Variants in UCHL3 observed in about 807,000 individuals in gnomAD.
The protein encoded by UCHL3 is ubiquitin C-terminal hydrolase L3.
UCHL3 carries 22 observed loss-of-function variants against 35.8 expected under a neutral mutation model. The ratio of observed to expected loss-of-function variants is 0.61; its 90% CI spans 0.44 to 0.88. The LOEUF is 0.88. Ranked by LOEUF, UCHL3 falls within the 40% of genes least tolerant of loss-of-function variation. The pLI is 0.00. For missense variants in UCHL3, 229 were observed against 276.9 expected (o/e 0.83, Z 1.23); for synonymous variants, 90 against 92.8 (o/e 0.97, Z 0.17).
intron 6 of UCHL3, among the ~76,000 whole-genome samples, chr13:75,582,125 A>G (rs2032204242): frequency 1.4e-5 from 2 of 145,208 alleles, no homozygotes; most frequent in Admixed American, 6.8e-5. Context: ...TGTGCTTCTG[A>G]AAAAACCAAA....
chr13:75,588,573 A>C (rs890202871), intron 6 of UCHL3, among the ~76,000 whole-genome samples: 1 of 152,180 alleles, frequency 6.6e-6, no homozygotes, highest in Non-Finnish European at 1.5e-5. Context: ...TGAGCCGCTA[A>C]AATGTTCAAA....
intron 7 of UCHL3, among the ~76,000 whole-genome samples, chr13:75,598,151 G>C (rs1042392981): frequency 2.6e-5 from 4 of 152,114 alleles, no homozygotes; most frequent in African/African-American, 9.7e-5. Flanking sequence ...ATTTTATTTT[G>C]AAGTAACTTA....
intron 6 of UCHL3, among the ~76,000 whole-genome samples, chr13:75,570,307 G>A (rs2138501438): frequency 6.6e-6 from 1 of 152,102 alleles, no homozygotes; most frequent in South Asian, 2.1e-4. Context: ...GCTGATCTTG[G>A]CTTACTGCAA....
intron 6 of UCHL3, chr13:75,590,245 T>G (rs2032446613): frequency 8.4e-7 from 1 of 1,192,116 alleles, no homozygotes; most frequent in Admixed American, 3.6e-5. Context: ...AACCATTAGC[T>G]TTTTCTCCCC....
intron 3 of UCHL3, among the ~76,000 whole-genome samples, chr13:75,564,480 T>C (rs2031621995): frequency 1.3e-5 from 2 of 151,968 alleles, no homozygotes; most frequent in East Asian, 1.9e-4. Flanking sequence ...AAGGTAGAGA[T>C]TCATCTCCTT....
At chr13:75,591,368 G>C (rs1455211883) in intron 6 of UCHL3, among the ~76,000 whole-genome samples, 1 of 152,094 alleles carries the variant, frequency 6.6e-6, no homozygotes, top group East Asian at 1.9e-4. Context: ...TTTGATATTT[G>C]TTGCTTCTCT....
At position 75,605,934 on chromosome 13, in the gene UCHL3, C is replaced by T; in HGVS notation, c.*122C>T. ...ATGATTAAACTTTATGTGAGTTAAA[C>T]TTTGCCTTAACCTGTGTTTTATGTT... is the stretch of plus-strand genomic sequence containing the variant. On this transcript the variant is annotated 3_prime_UTR_variant, in exon 9 of 9. Coordinates refer to ENST00000377595, the MANE Select transcript of UCHL3 (RefSeq NM_006002.5). 1.0e-6 allele frequency: 1 copy of T among 958,436 alleles called. No homozygotes were observed. The highest frequency in any genetic ancestry group is 1.6e-6 in the Non-Finnish European group (1 of 635,646). The allele number at this position is 958,436 out of a possible 1,614,324, so 59.4% of individuals were successfully genotyped here. A position where few individuals can be genotyped will look rare whatever the true frequency, so the allele number is the denominator to read the frequency against.
intron 6 of UCHL3, among the ~76,000 whole-genome samples, chr13:75,586,705 A>T (rs994709456): frequency 1.3e-5 from 2 of 152,004 alleles, no homozygotes; most frequent in African/African-American, 4.8e-5. Context: ...TAAACTACAA[A>T]TCAACAATAG....
chr13:75,587,285 T>TTTTATCTTA, intron 6 of UCHL3, among the ~76,000 whole-genome samples: 1 of 152,026 alleles, frequency 6.6e-6, no homozygotes, highest in Non-Finnish European at 1.5e-5. Flanking sequence ...AGATAAAGAC[T>TTTTATCTTA]GTTAGAAATG....
At chr13:75,561,808 C>G (rs565512108) in intron 3 of UCHL3, among the ~76,000 whole-genome samples, 1 of 31,540 alleles carries the variant, frequency 3.2e-5, no homozygotes, top group African/African-American at 5.8e-5. Context: ...TATACGTATA[C>G]ATACGTATAC....
chr13:75,585,140 C>A (rs2032287257), intron 6 of UCHL3, among the ~76,000 whole-genome samples: 1 of 152,058 alleles, frequency 6.6e-6, no homozygotes, highest in Non-Finnish European at 1.5e-5. Flanking sequence ...AAAATAATTA[C>A]AGACATCAAA....
At chr13:75,574,552 AC>A (rs1442354677) in intron 6 of UCHL3, among the ~76,000 whole-genome samples, 10 of 152,220 alleles carry the variant, frequency 6.6e-5, no homozygotes, top group African/African-American at 1.9e-4. Context: ...TAGGCAGGAT[AC>A]TTTCTTCAGC....
intron 6 of UCHL3, among the ~76,000 whole-genome samples, chr13:75,572,442 C>T (rs1377795769): frequency 6.6e-6 from 1 of 152,108 alleles, no homozygotes; most frequent in Non-Finnish European, 1.5e-5. Flanking sequence ...TTATTCCCAT[C>T]TTAGTGGTTC....
At chr13:75,592,429 T>TGTATATACATATATACATATATATATAC (rs777910997) in intron 6 of UCHL3, among the ~76,000 whole-genome samples, 2 of 85,572 alleles carry the variant, frequency 2.3e-5, no homozygotes, top group African/African-American at 9.4e-5. Flanking sequence ...TATATATATA[T>TGTATATACATATATACATATATATATAC]ATATATATAT....
chr13:75,560,724 G>GTTTTTTTTT, intron 2 of UCHL3, 29 bp from the exon 3 acceptor site: 1 of 1,413,562 alleles, frequency 7.1e-7, no homozygotes, highest in Non-Finnish European at 9.6e-7. Context: ...ATGTTCCATT[G>GTTTTTTTTT]TTTTTTTTTT....
chr13:75,567,397 A>G (rs2031720396), intron 5 of UCHL3, 85 bp downstream of exon 5: 1 of 1,231,012 alleles, frequency 8.1e-7, no homozygotes, highest in Non-Finnish European at 1.2e-6. Flanking sequence ...TCTTGAAACC[A>G]TAGTTTTGAG....
intron 6 of UCHL3, among the ~76,000 whole-genome samples, chr13:75,586,516 C>T (rs1467627747): frequency 1.3e-5 from 2 of 151,976 alleles, no homozygotes; most frequent in East Asian, 3.9e-4. Flanking sequence ...AACAACTTGA[C>T]CCTTTTGATA....
intron 6 of UCHL3, among the ~76,000 whole-genome samples, chr13:75,592,443 T>TAA (rs1242637038): frequency 1.3e-5 from 1 of 78,440 alleles, no homozygotes; most frequent in East Asian, 9.8e-4. Flanking sequence ...TATATATATA[T>TAA]ATATATATAT....
At chr13:75,569,374 A>C in intron 5 of UCHL3, 86 bp from the exon 6 acceptor site, 1 of 980,900 alleles carries the variant, frequency 1.0e-6, no homozygotes, top group Non-Finnish European at 1.5e-6. Flanking sequence ...AGAAGACTTT[A>C]GGTGTTAAAA....
Sources: gnomAD v4.1 joint callset for allele counts (sites outside exome capture counted in the v4.1 genomes callset) on GRCh38, gnomAD v4.1.1 for gene constraint, MANE v1.5 for transcripts, NCBI Gene and HGNC (gene_info 2026-07-23, HGNC 2026-07-21) for gene names.